Variants in SULF1 observed in about 807,000 individuals in gnomAD.
SULF1 encodes the protein extracellular sulfatase Sulf-1.
In SULF1, 46 loss-of-function variants were observed where a neutral mutation model predicts 110.5. That is an observed-to-expected ratio of 0.42 (90% CI 0.33 to 0.53). SULF1 has a LOEUF of 0.53. Ranked by LOEUF, SULF1 falls within the 20% of genes least tolerant of loss-of-function variation. SULF1 has a pLI of 0.12. For synonymous variants in SULF1, 371 were observed against 387.1 expected (o/e 0.96, Z 0.49); for missense variants, 941 against 1,094.2 (o/e 0.86, Z 1.98).
chr8:69,596,373 C>T (rs1006723417), intron 8 of SULF1, among the ~76,000 whole-genome samples: 1 of 151,896 alleles, frequency 6.6e-6, no homozygotes, highest in East Asian at 1.9e-4. Context: ...GTCTTTTGTC[C>T]TCTCAATTTT....
chr8:69,551,448 T>C (rs1814701899), intron 3 of SULF1, among the ~76,000 whole-genome samples: 1 of 152,190 alleles, frequency 6.6e-6, no homozygotes, highest in African/African-American at 2.4e-5. Context: ...TGGATACTTG[T>C]TGAAGGAGGT....
At chr8:69,651,931 G>A (rs1193496221) in intron 22 of SULF1, among the ~76,000 whole-genome samples, 1 of 152,098 alleles carries the variant, frequency 6.6e-6, no homozygotes, top group East Asian at 1.9e-4. Context: ...GTTTCTAGGG[G>A]TCAGAAATTC....
intron 22 of SULF1, among the ~76,000 whole-genome samples, chr8:69,645,901 T>C (rs1445226760): frequency 6.6e-6 from 1 of 151,682 alleles, no homozygotes; most frequent in East Asian, 1.9e-4. Context: ...ATTATTTATA[T>C]TAATTATTAT....
rs1286069814 is a variant in SULF1, at chr8:69,629,624, C to G, written c.2229C>G (p.Gly743=). The G allele has an allele frequency of 6.2e-7, 1 of 1,613,360 alleles. No individual in the cohort carries two copies. The highest frequency in any genetic ancestry group is 8.5e-7 in the Non-Finnish European group (1 of 1,179,730). ...AGGGGGAAGAGTGCAGCCTGCCTGGCCTCACTTGCTTCACGCATGACAACA... is the reference window on the plus strand; with the variant it reads ...AGGGGGAAGAGTGCAGCCTGCCTGGGCTCACTTGCTTCACGCATGACAACA... ...QRKGEECSLP[G]LTCFTHDNNH... The change falls in exon 19 of 23, where the codon GGC becomes GGG. Residue 743 remains glycine, a synonymous_variant. Coordinates refer to ENST00000402687, the MANE Select transcript of SULF1 (RefSeq NM_001128205.2).
chr8:69,639,651 G>A (rs891155677), intron 21 of SULF1, among the ~76,000 whole-genome samples: 6 of 152,230 alleles, frequency 3.9e-5, no homozygotes, highest in Admixed American at 1.3e-4. Flanking sequence ...ACTCCAGAAG[G>A]GTGAAGAGCT....
At chr8:69,490,340 A>G (rs549596705), upstream of SULF1, among the ~76,000 whole-genome samples, 42 of 152,150 alleles carry the variant, frequency 2.8e-4, no homozygotes, top group African/African-American at 9.9e-4. Flanking sequence ...TGGCTCAAGC[A>G]ATCCACCCGC....
chr8:69,504,064 C>T (rs143911687), intron 3 of SULF1, among the ~76,000 whole-genome samples: 576 of 152,148 alleles, frequency 3.8e-3, no homozygotes, highest in African/African-American at 0.013. Context: ...TCCCAAAGTG[C>T]TGGGATTACA....
intron 3 of SULF1, among the ~76,000 whole-genome samples, chr8:69,512,894 A>G (rs1290503114): frequency 6.6e-6 from 1 of 152,202 alleles, no homozygotes; most frequent in Non-Finnish European, 1.5e-5. Context: ...AAATGTGATA[A>G]CCTTTGTAAA....
chr8:69,549,873 A>G (rs1237722207), intron 3 of SULF1, among the ~76,000 whole-genome samples: 1 of 152,024 alleles, frequency 6.6e-6, no homozygotes, highest in Non-Finnish European at 1.5e-5. Context: ...TTGAATATTC[A>G]TTTTTAACCA....
chr8:69,642,248 T>C, intron 22 of SULF1: 1 of 987,270 alleles, frequency 1.0e-6, no homozygotes, highest in Non-Finnish European at 1.2e-6. Flanking sequence ...TGGTACCCTG[T>C]TCGGCCCCTC....
At chr8:69,630,019 A>G (rs1048694270) in intron 19 of SULF1, among the ~76,000 whole-genome samples, 4 of 152,186 alleles carry the variant, frequency 2.6e-5, no homozygotes, top group Non-Finnish European at 4.4e-5. Context: ...ATGGATGAAC[A>G]ATTTTGCCCC....
At chr8:69,542,222 T>C (rs1403105256) in intron 3 of SULF1, among the ~76,000 whole-genome samples, 1 of 152,124 alleles carries the variant, frequency 6.6e-6, no homozygotes, top group Non-Finnish European at 1.5e-5. Context: ...CTGCATATGC[T>C]GAAGAATATT....
chr8:69,500,659 A>G (rs1810730540), intron 2 of SULF1, among the ~76,000 whole-genome samples: 1 of 152,224 alleles, frequency 6.6e-6, no homozygotes, highest in South Asian at 2.1e-4. Context: ...ATAATTTGTG[A>G]TATCAGCACC....
At chr8:69,572,051 T>A (rs1805269451) in intron 5 of SULF1, among the ~76,000 whole-genome samples, 1 of 152,198 alleles carries the variant, frequency 6.6e-6, no homozygotes, top group Non-Finnish European at 1.5e-5. Flanking sequence ...CCTGAGCCAC[T>A]GAGACCATTT....
intron 14 of SULF1, 115 bp downstream of exon 14, chr8:69,621,366 C>G (rs1455708088): frequency 1.5e-6 from 1 of 678,960 alleles, no homozygotes; most frequent in Non-Finnish European, 2.3e-6. Context: ...GCATCATTTT[C>G]AGGCTAAAAG....
intron 22 of SULF1, among the ~76,000 whole-genome samples, chr8:69,641,300 G>A (rs570724283): frequency 1.3e-5 from 2 of 152,320 alleles, no homozygotes; most frequent in South Asian, 2.1e-4. Flanking sequence ...CTGTAAGGCC[G>A]AAGTTGAAGG....
intron 22 of SULF1, among the ~76,000 whole-genome samples, chr8:69,657,961 C>T (rs1258519890): frequency 6.6e-6 from 1 of 152,122 alleles, no homozygotes; most frequent in African/African-American, 2.4e-5. Context: ...GAAATAAATC[C>T]AGGCATTTGA....
At chr8:69,648,139 G>GA (rs112144677) in intron 22 of SULF1, among the ~76,000 whole-genome samples, 9,244 of 117,450 alleles carry the variant, frequency 0.079, 494 homozygotes, top group African/African-American at 0.18. Flanking sequence ...TGTGCCTTCA[G>GA]AAAAAAAAAA....
In SULF1 at chr8:69,601,783, C is replaced by T. The variant is rs769577350; in HGVS notation, c.1015C>T (p.Arg339Cys). The stretch of plus-strand genomic sequence containing the variant: ...ATCCATGCCATATGACTTTGATATT[C>T]GTGTGCCTTTTTTTATTCGTGGTCC... ...GKSMPYDFDI[R>C]VPFFIRGPSV... Residue 339 changes from arginine (R) to cysteine (C), a missense_variant, in exon 10 of 23, where the codon CGT becomes TGT. Arg to Cys is a radical substitution (Grantham distance 180, BLOSUM62 -3). Transcript: ENST00000402687. 6.2e-6 allele frequency: 10 copies of T among 1,611,362 alleles called. No individual in the cohort carries two copies. The highest frequency in any genetic ancestry group is 2.2e-5 in the East Asian group (1 of 44,722).
Sources: gnomAD v4.1 joint callset for allele counts (sites outside exome capture counted in the v4.1 genomes callset) on GRCh38, gnomAD v4.1.1 for gene constraint, MANE v1.5 for transcripts, NCBI Gene and HGNC (gene_info 2026-07-23, HGNC 2026-07-21) for gene names.